The following RRN3 variants were observed in gnomAD, a reference collection of about 807,000 sequenced individuals.
RRN3 encodes RNA polymerase I-specific transcription initiation factor RRN3.
RRN3 carries 38 observed loss-of-function variants against 82.3 expected under a neutral mutation model. That is an observed-to-expected ratio of 0.46 (90% confidence interval 0.36 to 0.61). The LOEUF is 0.61. Ranked by LOEUF, RRN3 falls within the 20% of genes least tolerant of loss-of-function variation. The probability of loss-of-function intolerance (pLI) is 0.00; values close to 1 mark genes in which losing one functional copy is unlikely to be tolerated. For synonymous variants in RRN3, 284 were observed against 284.3 expected (o/e 1.00, Z 0.01); for missense variants, 726 against 793.1 (o/e 0.92, Z 1.02).
At chr16:15,078,940 T>C (rs921942581) in intron 9 of RRN3, among the ~76,000 whole-genome samples, 5 of 151,560 alleles carry the variant, frequency 3.3e-5, no homozygotes, top group African/African-American at 7.3e-5. Flanking sequence ...GCCTCCCGAG[T>C]AGCTGGGACT....
intron 3 of RRN3, among the ~76,000 whole-genome samples, chr16:15,089,617 G>T (rs1227568610): frequency 6.6e-6 from 1 of 151,314 alleles, no homozygotes; most frequent in African/African-American, 2.4e-5. Flanking sequence ...TGGCTAACAT[G>T]GTGAAACCCC....
chr16:15,066,788 C>G (rs1049529502), intron 15 of RRN3, among the ~76,000 whole-genome samples: 18 of 151,654 alleles, frequency 1.2e-4, no homozygotes, highest in African/African-American at 4.3e-4. Flanking sequence ...GCAAAAGCAA[C>G]AGCTACAGAA....
intron 16 of RRN3, among the ~76,000 whole-genome samples, chr16:15,063,704 C>CAAAAAAAAAAAAA (rs10664930): frequency 1.1e-5 from 1 of 89,092 alleles, no homozygotes; most frequent in Non-Finnish European, 2.0e-5. Flanking sequence ...GACTCTGTCT[C>CAAAAAAAAAAAAA]AAAAAAAAAA....
intron 10 of RRN3, among the ~76,000 whole-genome samples, chr16:15,075,435 C>G (rs1409089964): frequency 6.6e-6 from 1 of 151,278 alleles, no homozygotes; most frequent in Non-Finnish European, 1.5e-5. Flanking sequence ...TAGCTGGGTG[C>G]GGTGGTACAC....
At chr16:15,080,159 G>T in intron 8 of RRN3, 63 bp from the exon 9 acceptor site, 1 of 1,512,300 alleles carries the variant, frequency 6.6e-7, no homozygotes, top group South Asian at 1.3e-5. Context: ...AGTTATGTAA[G>T]CAAAACATCA....
intron 10 of RRN3, 63 bp from the exon 11 acceptor site, chr16:15,074,924 A>G: frequency 6.8e-7 from 1 of 1,467,124 alleles, no homozygotes; most frequent in Non-Finnish European, 9.3e-7. Context: ...TTTAGTAGGA[A>G]AACTGTCATA....
At chr16:15,075,755 C>T (rs914242547) in intron 10 of RRN3, among the ~76,000 whole-genome samples, 2 of 152,112 alleles carry the variant, frequency 1.3e-5, no homozygotes, top group Non-Finnish European at 2.9e-5. Flanking sequence ...ATCACAGATG[C>T]CCCCTACCTC....
intron 3 of RRN3, among the ~76,000 whole-genome samples, chr16:15,090,070 C>G (rs1449523809): frequency 6.7e-6 from 1 of 150,060 alleles, no homozygotes; most frequent in Non-Finnish European, 1.5e-5. Flanking sequence ...ATTAACCAGG[C>G]ATGGTGGCGG....
chr16:15,087,607 C>A (rs993197882), intron 3 of RRN3, among the ~76,000 whole-genome samples: 4 of 152,106 alleles, frequency 2.6e-5, no homozygotes, highest in African/African-American at 9.7e-5. Flanking sequence ...AGTAGCCTGG[C>A]AGTAAAATAA....
At chr16:15,080,501 C>T (rs1180184311) in intron 8 of RRN3, among the ~76,000 whole-genome samples, 7 of 152,200 alleles carry the variant, frequency 4.6e-5, no homozygotes, top group African/African-American at 1.7e-4. Context: ...GTGGTGCAAT[C>T]ATAGCTCACT....
At chr16:15,083,380 CAG>C (rs1270466747) in intron 8 of RRN3, 131 bp downstream of exon 8, 1 of 1,391,044 alleles carries the variant, frequency 7.2e-7, no homozygotes, top group Non-Finnish European at 9.7e-7. Flanking sequence ...GCTTGGGCGA[CAG>C]AGTGAGACTC....
intron 2 of RRN3, among the ~76,000 whole-genome samples, chr16:15,091,938 G>A (rs1243277686): frequency 6.6e-6 from 1 of 152,134 alleles, no homozygotes; most frequent in African/African-American, 2.4e-5. Flanking sequence ...CAGCACTTTG[G>A]GAGGCCAAGG....
At chr16:15,089,316 A>G (rs1356702795) in intron 3 of RRN3, among the ~76,000 whole-genome samples, 3 of 152,152 alleles carry the variant, frequency 2.0e-5, no homozygotes, top group Non-Finnish European at 2.9e-5. Flanking sequence ...CGAAAATGAA[A>G]TAAGTCTGGA....
intron 12 of RRN3, among the ~76,000 whole-genome samples, chr16:15,071,938 G>A (rs1482564206): frequency 6.6e-6 from 1 of 152,114 alleles, no homozygotes; most frequent in Non-Finnish European, 1.5e-5. Context: ...CTCCACATGG[G>A]CACTCCTGTG....
chr16:15,076,794 A>T, intron 9 of RRN3, 144 bp from the exon 10 acceptor site: 1 of 638,134 alleles, frequency 1.6e-6, no homozygotes, highest in Non-Finnish European at 2.8e-6. Flanking sequence ...ATACACAATT[A>T]TGGTGCAAGC....
At chr16:15,079,358 C>G (rs2045601507) in intron 9 of RRN3, among the ~76,000 whole-genome samples, 1 of 152,140 alleles carries the variant, frequency 6.6e-6, no homozygotes, top group African/African-American at 2.4e-5. Context: ...TAAGAAAGGC[C>G]AAACAGGAAA....
intron 10 of RRN3, among the ~76,000 whole-genome samples, chr16:15,076,077 A>T (rs536932653): frequency 3.3e-5 from 5 of 152,118 alleles, no homozygotes; most frequent in Admixed American, 3.3e-4. Context: ...GCGACCTCCC[A>T]AGTGAGACCC....
chr16:15,087,779 G>A (rs2096478608), intron 3 of RRN3, among the ~76,000 whole-genome samples: 1 of 152,168 alleles, frequency 6.6e-6, no homozygotes, highest in South Asian at 2.1e-4. Flanking sequence ...TAAAAAGACT[G>A]CAACAAAACT....
At chr16:15,087,604 T>C (rs1202600662) in intron 3 of RRN3, among the ~76,000 whole-genome samples, 1 of 152,148 alleles carries the variant, frequency 6.6e-6, no homozygotes, top group Non-Finnish European at 1.5e-5. Context: ...CCAAGTAGCC[T>C]GGCAGTAAAA....
Sources: gnomAD v4.1 joint callset for allele counts (sites outside exome capture counted in the v4.1 genomes callset) on GRCh38, gnomAD v4.1.1 for gene constraint, MANE v1.5 for transcripts, NCBI Gene and HGNC (gene_info 2026-07-23, HGNC 2026-07-21) for gene names.